The following LUZP2 variants were observed in gnomAD, a reference collection of about 807,000 sequenced individuals.
The protein encoded by LUZP2 is leucine zipper protein 2.
In LUZP2, 52 loss-of-function variants were observed where a neutral mutation model predicts 51.6. That is an observed-to-expected ratio of 1.01 (90% confidence interval 0.81 to 1.27). The LOEUF is 1.27. Among genes scored for constraint, LUZP2 ranks in the 50% most tolerant of loss-of-function variants. LUZP2 has a pLI of 0.00. For missense variants in LUZP2, 436 were observed against 395.4 expected (o/e 1.10, Z -0.87); for synonymous variants, 154 against 137.3 (o/e 1.12, Z -0.85).
intron 5 of LUZP2, among the ~76,000 whole-genome samples, chr11:24,851,403 G>A (rs760155521): frequency 3.3e-5 from 5 of 152,182 alleles, no homozygotes; most frequent in East Asian, 3.9e-4. Flanking sequence ...GATGGATTAC[G>A]TTTATTGATT....
intron 10 of LUZP2, among the ~76,000 whole-genome samples, chr11:25,050,635 T>C (rs1234848929): frequency 6.6e-6 from 1 of 152,060 alleles, no homozygotes; most frequent in Admixed American, 6.6e-5. Flanking sequence ...ATCAGGTAAG[T>C]GTTCCATTAA....
chr11:24,633,479 A>C (rs1224374415), intron 1 of LUZP2, among the ~76,000 whole-genome samples: 1 of 152,026 alleles, frequency 6.6e-6, no homozygotes, highest in Non-Finnish European at 1.5e-5. Flanking sequence ...AATCTTTAAA[A>C]GTTTACAATA....
chr11:24,973,036 C>T (rs936500682), intron 7 of LUZP2, among the ~76,000 whole-genome samples: 1 of 144,124 alleles, frequency 6.9e-6, no homozygotes, highest in African/African-American at 2.6e-5. Flanking sequence ...TAGAATTCAC[C>T]TGTAAATCCG....
intron 10 of LUZP2, among the ~76,000 whole-genome samples, chr11:25,050,850 T>G (rs184948241): frequency 8.5e-5 from 13 of 152,332 alleles, no homozygotes; most frequent in Admixed American, 7.8e-4. Flanking sequence ...GACATCATTG[T>G]AGAGGAAGGG....
At chr11:24,593,182 A>G (rs1485719002) in intron 1 of LUZP2, among the ~76,000 whole-genome samples, 4 of 151,622 alleles carry the variant, frequency 2.6e-5, no homozygotes, top group Non-Finnish European at 4.4e-5. Flanking sequence ...TCTGCTCCGA[A>G]CTCCCTAGCG....
At chr11:24,908,758 C>CT (rs34476662) in intron 6 of LUZP2, among the ~76,000 whole-genome samples, 346 of 137,490 alleles carry the variant, frequency 2.5e-3, no homozygotes, top group African/African-American at 3.9e-3. Flanking sequence ...TGTTTTTTTT[C>CT]TTTTTTTTTT....
Position 24,829,472 on chromosome 11 carries a change from G to A in LUZP2, c.396+66164G>A, listed in dbSNP as rs896607089. Among the ~76,000 whole-genome samples, 2 of 152,112 alleles carry A rather than the reference G, an allele frequency of 1.3e-5. 1 individual carries two copies. The highest frequency in any genetic ancestry group is 4.8e-5 in the African/African-American group (2 of 41,416). ...ATTTTGAAATTGCTCAACTTGTAGT[G>A]ATATGTAACAAGTGCTCAAAGATTG... is the stretch of plus-strand genomic sequence containing the variant. On this transcript the variant is annotated intron_variant, in intron 5 of 11. Transcript: ENST00000336930.
intron 1 of LUZP2, among the ~76,000 whole-genome samples, chr11:24,694,026 A>G (rs1000920012): frequency 1.3e-5 from 2 of 152,086 alleles, no homozygotes; most frequent in Admixed American, 1.3e-4. Context: ...CAAAATTCAG[A>G]GAGCAATTTG....
intron 9 of LUZP2, among the ~76,000 whole-genome samples, chr11:25,017,052 G>T (rs1478766974): frequency 1.3e-5 from 2 of 151,898 alleles, no homozygotes; most frequent in Non-Finnish European, 2.9e-5. Context: ...GCATATGTTT[G>T]TTGGCCATTT....
intron 10 of LUZP2, among the ~76,000 whole-genome samples, chr11:25,074,590 A>G (rs1238189537): frequency 2.6e-5 from 4 of 152,256 alleles, no homozygotes; most frequent in South Asian, 2.1e-4. Context: ...CCTCATGACA[A>G]TGACCTCAAG....
In LUZP2 at chr11:24,741,973, CATTTATATATT is replaced by C. The variant is rs1859185170; in HGVS notation, c.333+3674_333+3684del. Reference sequence around the variant, plus strand: ...TTTATATATTATATATAAATATATACATTTATATATTATATATAAATGTATATATTATATAT... The same window carrying C: ...TTTATATATTATATATAAATATATACATATATAAATGTATATATTATATAT... On this transcript the variant is annotated intron_variant, in intron 4 of 11. Transcript: ENST00000336930. Among the ~76,000 whole-genome samples, 5 of 31,632 alleles carry C rather than the reference CATTTATATATT, an allele frequency of 1.6e-4. No individual in the cohort carries two copies. The Admixed American group carries it at 1.7e-3, about 11-fold the overall frequency. The allele number at this position is 31,632 out of a possible 152,430, so 20.8% of individuals were successfully genotyped here.
intron 5 of LUZP2, among the ~76,000 whole-genome samples, chr11:24,816,444 A>G (rs1447258457): frequency 6.6e-6 from 1 of 152,142 alleles, no homozygotes; most frequent in African/African-American, 2.4e-5. Context: ...CTTATCCAAG[A>G]TAAGAGCTCA....
chr11:24,756,373 AT>A (rs1859774551), intron 4 of LUZP2, among the ~76,000 whole-genome samples: 1 of 152,152 alleles, frequency 6.6e-6, no homozygotes, highest in African/African-American at 2.4e-5. Context: ...CTTTTCAAAT[AT>A]TTTACGAAGT....
chr11:24,843,682 A>G (rs756042360), intron 5 of LUZP2, among the ~76,000 whole-genome samples: 31 of 152,138 alleles, frequency 2.0e-4, no homozygotes, highest in Admixed American at 2.0e-4. Context: ...CCCCACCCAA[A>G]TCTCATCTTG....
intron 10 of LUZP2, among the ~76,000 whole-genome samples, chr11:25,067,412 T>G (rs1859027924): frequency 6.6e-6 from 1 of 152,124 alleles, no homozygotes; most frequent in South Asian, 2.1e-4. Flanking sequence ...TTTTGGCTTT[T>G]GTTGTCATTG....
At chr11:25,058,389 C>A (rs1858745793) in intron 10 of LUZP2, among the ~76,000 whole-genome samples, 1 of 151,670 alleles carries the variant, frequency 6.6e-6, no homozygotes, top group Non-Finnish European at 1.5e-5. Context: ...TGAAAATAAC[C>A]CAGTAACCGT....
chr11:24,993,207 G>T (rs1480316746), intron 9 of LUZP2, among the ~76,000 whole-genome samples: 3 of 151,994 alleles, frequency 2.0e-5, no homozygotes, highest in Non-Finnish European at 4.4e-5. Context: ...CCACTACATT[G>T]ACTGATCTGG....
chr11:24,984,549 T>TATATATATATATATA (rs60530495), intron 9 of LUZP2, among the ~76,000 whole-genome samples: 15 of 71,198 alleles, frequency 2.1e-4, no homozygotes, highest in South Asian at 1.2e-3. Context: ...TATATATATA[T>TATATATATATATATA]AATTGTGAAT....
intron 9 of LUZP2, among the ~76,000 whole-genome samples, chr11:25,034,955 A>T: frequency 6.6e-6 from 1 of 152,110 alleles, no homozygotes; most frequent in Non-Finnish European, 1.5e-5. Context: ...ATCTCAATAG[A>T]TACAGAAAAA....
Sources: allele counts gnomAD v4.1 joint callset (sites outside exome capture counted in the v4.1 genomes callset), GRCh38; gene constraint gnomAD v4.1.1; transcripts MANE v1.5; gene names NCBI Gene and HGNC (gene_info 2026-07-23, HGNC 2026-07-21).